Variants in GPSM2 observed in about 807,000 individuals in gnomAD.
GPSM2 encodes the protein G protein signaling modulator 2.
A neutral mutation model predicts 78.4 loss-of-function variants in GPSM2; 58 were observed. The observed-to-expected ratio is 0.74, with a 90% CI of 0.60 to 0.92. The LOEUF is 0.92. GPSM2 is among the 40% of genes least tolerant of loss of function. The pLI is 0.00. For missense variants in GPSM2, 700 were observed against 815.5 expected (o/e 0.86, Z 1.73); for synonymous variants, 224 against 280.2 (o/e 0.80, Z 2.00).
intron 10 of GPSM2, among the ~76,000 whole-genome samples, chr1:108,913,807 T>C (rs1326563380): frequency 6.6e-6 from 1 of 152,218 alleles, no homozygotes; most frequent in African/African-American, 2.4e-5. Flanking sequence ...CTGTATTTAA[T>C]AACTTTATTG....
At position 108,930,349 on chromosome 1, in the gene GPSM2, A is replaced by AAATAATG. The variant is rs1651720208; in HGVS notation, c.*410_*416dup. 6.1e-6 allele frequency: 1 copy of AAATAATG among 163,256 alleles called. No individual in the cohort carries two copies. Among genetic ancestry groups the AAATAATG allele is most frequent in the African/African-American group, 2.4e-5 (1 of 41,778 alleles). The allele number at this position is 163,256 out of a possible 1,614,324, so 10.1% of individuals were successfully genotyped here. A position where few individuals can be genotyped will look rare whatever the true frequency, so the allele number is the denominator to read the frequency against. On this transcript the variant is annotated 3_prime_UTR_variant, in exon 15 of 15. Transcript: ENST00000264126. ...AGTGGGAAACAATGTTGTTTGGTAA[A>AAATAATG]AATAATGTACTTGATCAATGTAAAA... is the stretch of plus-strand genomic sequence containing the variant.
At chr1:108,911,122 A>G (rs374360679) in intron 10 of GPSM2, among the ~76,000 whole-genome samples, 5 of 152,306 alleles carry the variant, frequency 3.3e-5, no homozygotes, top group African/African-American at 1.2e-4. Flanking sequence ...GGATATAATA[A>G]ACCTGAAAGT....
chr1:108,924,085 G>A lies in GPSM2; in HGVS notation c.1686G>A (p.Gln562=), dbSNP rs747341284. ...CACAGAGTCGCCGTCTGGATGACCA[G>A]AGGGCTAGTTTCAGTAATTTGCCAG... ...ASSQSRRLDD[Q]RASFSNLPGL... is the part of the protein sequence containing the mutation. Residue 562 remains glutamine, a synonymous_variant, in exon 14 of 15, where the codon CAG becomes CAA. Transcript: ENST00000264126. 7 of 1,613,678 alleles carry A rather than the reference G, an allele frequency of 4.3e-6. No individual in the cohort carries two copies. The Admixed American group carries it at 1.0e-4, about 23-fold the overall frequency.
At chr1:108,893,389 A>G (rs1299004300) in intron 2 of GPSM2, among the ~76,000 whole-genome samples, 2 of 152,168 alleles carry the variant, frequency 1.3e-5, no homozygotes, top group Non-Finnish European at 2.9e-5. Context: ...CCTCAGTGAA[A>G]TGATGCGCCA....
chr1:108,886,920 T>C (rs1647595870), intron 2 of GPSM2, among the ~76,000 whole-genome samples: 1 of 151,370 alleles, frequency 6.6e-6, no homozygotes, highest in African/African-American at 2.4e-5. Flanking sequence ...ACAGTCTCAC[T>C]CTGACGCCCA....
rs1386468819 is a variant in GPSM2, at chr1:108,931,633, A to AAAG, written c.*1695_*1696insGAA. On this transcript the variant is annotated 3_prime_UTR_variant, in exon 15 of 15. Transcript: ENST00000264126. ...AATTACATTAAGTGCTCAGCTAAAAAAAAAAAAAAAGTTCTAAATTACAAC... is the reference window on the plus strand; with the variant it reads ...AATTACATTAAGTGCTCAGCTAAAAAAAGAAAAAAAAAAGTTCTAAATTACAAC... 1 of 1,165,822 alleles carries AAAG rather than the reference A, an allele frequency of 8.6e-7. No individual in the cohort carries two copies. The highest frequency in any genetic ancestry group is 1.2e-6 in the Non-Finnish European group (1 of 869,282). The allele number at this position is 1,165,822 out of a possible 1,614,324, so 72.2% of individuals were successfully genotyped here. A position where few individuals can be genotyped will look rare whatever the true frequency, so the allele number is the denominator to read the frequency against.
At chr1:108,912,237 TG>T (rs938265126) in intron 10 of GPSM2, among the ~76,000 whole-genome samples, 1 of 152,204 alleles carries the variant, frequency 6.6e-6, no homozygotes, top group East Asian at 1.9e-4. Flanking sequence ...AAAAAAGTTC[TG>T]AGAAATACCA....
intron 1 of GPSM2, among the ~76,000 whole-genome samples, chr1:108,880,198 C>T (rs957090092): frequency 7.9e-5 from 12 of 152,204 alleles, no homozygotes; most frequent in Admixed American, 5.9e-4. Flanking sequence ...AAGACAAAAT[C>T]ATGTTTAATA....
At chr1:108,883,661 T>C (rs1456442309) in intron 1 of GPSM2, among the ~76,000 whole-genome samples, 1 of 152,192 alleles carries the variant, frequency 6.6e-6, no homozygotes, top group Non-Finnish European at 1.5e-5. Context: ...GAGGTTATAG[T>C]TTATGTCTGA....
rs1274318748 is a variant in GPSM2 at position 108,929,561 on chromosome 1, T to C, written c.1816-140T>C. On this transcript the variant is annotated intron_variant, in intron 14 of 14. Transcript: ENST00000264126. Reference sequence around the variant, plus strand: ...TCAGGCTGGGAACTAAAGAGAACAATATAAAAACAAAGATTAATTTCTGAG... The same window carrying C: ...TCAGGCTGGGAACTAAAGAGAACAACATAAAAACAAAGATTAATTTCTGAG... 9 of 740,184 alleles carry C rather than the reference T, an allele frequency of 1.2e-5. No homozygotes were observed. The East Asian group carries it at 1.9e-4, about 15-fold the overall frequency. The allele number at this position is 740,184 out of a possible 1,614,324, so 45.9% of individuals were successfully genotyped here.
chr1:108,896,774 T>G (rs1570899211), intron 2 of GPSM2, 90 bp from the exon 3 acceptor site: 1 of 987,210 alleles, frequency 1.0e-6, no homozygotes, highest in Non-Finnish European at 1.6e-6. Context: ...TGAACAAGAG[T>G]AGCCGCTTAA....
intron 12 of GPSM2, among the ~76,000 whole-genome samples, chr1:108,920,773 A>G (rs1343713560): frequency 6.6e-6 from 1 of 152,150 alleles, no homozygotes; most frequent in African/African-American, 2.4e-5. Context: ...ACTGGAATTC[A>G]AGGAAGCCAT....
chr1:108,878,308 T>G (rs537091811), intron 1 of GPSM2, among the ~76,000 whole-genome samples: 2 of 152,288 alleles, frequency 1.3e-5, no homozygotes, highest in South Asian at 4.1e-4. Flanking sequence ...CTACTTCTCT[T>G]TACAACTACC....
At chr1:108,897,707 TAGTTTATTTTA>T in intron 4 of GPSM2, 80 bp downstream of exon 4, 1 of 1,243,022 alleles carries the variant, frequency 8.0e-7, no homozygotes, top group Non-Finnish European at 1.1e-6. Context: ...AATTATTCTA[TAGTTTATTTTA>T]AAATTAATAC....
intron 2 of GPSM2, among the ~76,000 whole-genome samples, chr1:108,890,483 A>G (rs970962956): frequency 3.9e-5 from 6 of 152,224 alleles, no homozygotes; most frequent in African/African-American, 9.6e-5. Context: ...ATAGGACTTC[A>G]CCAAGGGAAA....
chr1:108,897,691 C>G, intron 4 of GPSM2, 64 bp downstream of exon 4: 2 of 1,353,122 alleles, frequency 1.5e-6, no homozygotes, highest in South Asian at 2.5e-5. Context: ...CATTTTAATA[C>G]TATTTAATTA....
chr1:108,913,276 G>T (rs1281584071), intron 10 of GPSM2, among the ~76,000 whole-genome samples: 1 of 152,174 alleles, frequency 6.6e-6, no homozygotes, highest in Non-Finnish European at 1.5e-5. Flanking sequence ...AAGAATATCT[G>T]TAGTGTGCTT....
At position 108,929,935 on chromosome 1, in the gene GPSM2, CA is replaced by C. The variant is rs747243496; in HGVS notation, c.2051del (p.His684LeufsTer24). On this transcript the variant is annotated frameshift_variant, in exon 15 of 15. Coordinates refer to ENST00000264126, the MANE Select transcript of GPSM2 (RefSeq NM_013296.5). LOFTEE classifies it high-confidence loss of function. ...FKNSGKKSAD[H>X] ...AAATTCAGGGAAAAAATCGGCAGAC[CA>C]TTAGTTACTATGGATTTATTTTTTT... 2 of 1,612,854 alleles carry C rather than the reference CA, an allele frequency of 1.2e-6. No homozygotes were observed. Among genetic ancestry groups the C allele is most frequent in the South Asian group, 2.2e-5 (2 of 91,004 alleles).
At chr1:108,920,845 CT>C (rs1323154315) in intron 12 of GPSM2, among the ~76,000 whole-genome samples, 3 of 152,184 alleles carry the variant, frequency 2.0e-5, no homozygotes, top group African/African-American at 4.8e-5. Flanking sequence ...AATGCCCATA[CT>C]TTAGGAGCCA....
Sources: gnomAD v4.1 joint callset for allele counts (sites outside exome capture counted in the v4.1 genomes callset) on GRCh38, gnomAD v4.1.1 for gene constraint, MANE v1.5 for transcripts, NCBI Gene and HGNC (gene_info 2026-07-23, HGNC 2026-07-21) for gene names.